Variants in ABHD8 observed in about 807,000 individuals in gnomAD.
The protein encoded by ABHD8 is abhydrolase domain containing 8.
ABHD8 carries 10 observed loss-of-function variants against 29.3 expected under a neutral mutation model. The ratio of observed to expected loss-of-function variants is 0.34; its 90% confidence interval spans 0.21 to 0.58. ABHD8 has a LOEUF of 0.58. ABHD8 is among the 20% of genes least tolerant of loss of function. The pLI, the probability that ABHD8 is intolerant of heterozygous loss-of-function variation, is 0.85. For synonymous variants in ABHD8, 282 were observed against 274.6 expected (o/e 1.03, Z -0.27); for missense variants, 556 against 615.3 (o/e 0.90, Z 1.02).
chr19:17,296,338 G>A (rs1025137080), intron 2 of ABHD8: 3 of 152,212 alleles, frequency 2.0e-5, no homozygotes, highest in African/African-American at 7.2e-5. Flanking sequence ...ATAGATATGA[G>A]CCACTGTGCC....
intron 4 of ABHD8, among the ~76,000 whole-genome samples, chr19:17,293,951 G>A (rs938616340): frequency 2.0e-5 from 3 of 152,112 alleles, no homozygotes; most frequent in Admixed American, 6.5e-5. Flanking sequence ...ATCCCCTGGT[G>A]CCGGTCTTCT....
intron 2 of ABHD8, among the ~76,000 whole-genome samples, chr19:17,299,041 C>T (rs1487686207): frequency 1.3e-5 from 2 of 152,154 alleles, no homozygotes; most frequent in Non-Finnish European, 2.9e-5. Context: ...TGCACCTGGC[C>T]TGAGCAACAC....
chr19:17,297,443 C>G (rs2074098046), intron 2 of ABHD8, among the ~76,000 whole-genome samples: 1 of 152,058 alleles, frequency 6.6e-6, no homozygotes, highest in African/African-American at 2.4e-5. Flanking sequence ...TTATAGGCAC[C>G]TGCAACCATA....
At chr19:17,294,142 T>C (rs2074082712) in intron 4 of ABHD8, 146 bp downstream of exon 4, 4 of 955,936 alleles carry the variant, frequency 4.2e-6, no homozygotes, top group Non-Finnish European at 4.6e-6. Flanking sequence ...ATACAGCAAC[T>C]AGAGGCCACG....
At chr19:17,300,085 T>A (rs2074110773) in intron 2 of ABHD8, among the ~76,000 whole-genome samples, 1 of 151,628 alleles carries the variant, frequency 6.6e-6, no homozygotes, top group African/African-American at 2.4e-5. Flanking sequence ...TTTGTATTTT[T>A]AGTAGAGACA....
At chr19:17,299,239 C>CCA (rs1555720794) in intron 2 of ABHD8, among the ~76,000 whole-genome samples, 1 of 144,342 alleles carries the variant, frequency 6.9e-6, no homozygotes, top group African/African-American at 2.5e-5. Flanking sequence ...ATGAGACCCC[C>CCA]CCCCCATTCT....
At position 17,301,569 on chromosome 19, in the gene ABHD8, C is replaced by T. The variant is rs771916946; in HGVS notation, c.48G>A (p.Thr16=). The T allele has an allele frequency of 9.4e-6, 15 of 1,595,050 alleles. No homozygotes were observed. Among genetic ancestry groups the T allele is most frequent in the South Asian group, 4.5e-5 (4 of 89,658 alleles). The change falls in exon 2 of 5, where the codon ACG becomes ACA. Residue 16 remains threonine, a synonymous_variant. Transcript: ENST00000247706. ...CCAGTGGCCCCACGGCGTTGGGGGG[C>T]GTGCCCAGCAGGCAACAGAAGATAC... ...TDGIFCCLLG[T]PPNAVGPLES...
At chr19:17,296,920 C>A (rs1424336277) in intron 2 of ABHD8, among the ~76,000 whole-genome samples, 4 of 152,034 alleles carry the variant, frequency 2.6e-5, no homozygotes, top group Non-Finnish European at 5.9e-5. Flanking sequence ...GTCTTGAACT[C>A]CCGACCTCAG....
intron 4 of ABHD8, 93 bp from the exon 5 acceptor site, chr19:17,292,924 A>T: frequency 7.4e-7 from 1 of 1,360,408 alleles, no homozygotes. Context: ...CATGGCCCAC[A>T]GCATCCAAAA....
At position 17,292,403 on chromosome 19, in the gene ABHD8, G is replaced by T; in HGVS notation, c.*258C>A. 3.9e-6 allele frequency: 2 copies of T among 516,928 alleles called. No homozygotes were observed. The highest frequency in any genetic ancestry group is 6.7e-5 in the East Asian group (2 of 29,732). 32.0% of individuals were successfully genotyped at this position (516,928 alleles called of 1,614,324 possible). On this transcript the variant is annotated 3_prime_UTR_variant, in exon 5 of 5. Transcript: ENST00000247706. ...AGGTGAGGGAGAGCTTCTGTACAAG[G>T]TCATCTTCCGTGAGGGTCCCGGCTG...
chr19:17,299,288 G>A (rs964229806), intron 2 of ABHD8, among the ~76,000 whole-genome samples: 1 of 148,266 alleles, frequency 6.7e-6, no homozygotes, highest in African/African-American at 2.5e-5. Context: ...TTGGCCTGGT[G>A]CGTTGGCTCA....
intron 4 of ABHD8, among the ~76,000 whole-genome samples, chr19:17,294,049 C>A (rs2074082336): frequency 6.6e-6 from 1 of 152,128 alleles, no homozygotes; most frequent in Non-Finnish European, 1.5e-5. Context: ...TAATTGCTAA[C>A]ACCTGTCCAG....
At chr19:17,299,335 G>C (rs1170191350) in intron 2 of ABHD8, among the ~76,000 whole-genome samples, 2 of 151,572 alleles carry the variant, frequency 1.3e-5, no homozygotes, top group African/African-American at 4.9e-5. Context: ...GCCGAGGAGG[G>C]CGAATCACGA....
Sources: allele counts gnomAD v4.1 joint callset (sites outside exome capture counted in the v4.1 genomes callset), GRCh38; gene constraint gnomAD v4.1.1; transcripts MANE v1.5; gene names NCBI Gene and HGNC (gene_info 2026-07-23, HGNC 2026-07-21).